Variants in IFT140 observed in about 807,000 individuals in gnomAD.
IFT140 encodes intraflagellar transport 140.
In IFT140, 133 loss-of-function variants were observed where a neutral mutation model predicts 164.6. That is an observed-to-expected ratio of 0.81 (90% confidence interval 0.70 to 0.93). The LOEUF (loss-of-function observed/expected upper bound fraction) is 0.93. Among genes scored for constraint, IFT140 ranks in the 40% least tolerant of loss-of-function variants. IFT140 has a pLI of 0.00. For missense variants in IFT140, 2,045 were observed against 1,972.3 expected, an observed-to-expected ratio of 1.04 and a Z score of -0.70; for synonymous variants, 860 against 817.3, an observed-to-expected ratio of 1.05 and a Z score of -0.89.
At position 1,520,312 on chromosome 16, in the gene IFT140, G is replaced by T; in HGVS notation, c.3692C>A (p.Thr1231Lys). 2.5e-6 allele frequency: 4 copies of T among 1,614,200 alleles called. No homozygotes were observed. The highest frequency in any genetic ancestry group is 1.1e-5 in the South Asian group (1 of 91,090). The change falls in exon 28 of 31, where the codon ACG becomes AAG. Residue 1231 changes from threonine (T) to lysine (K), a missense_variant. Physicochemically the swap from Thr to Lys is moderately conservative, Grantham distance 78. Coordinates refer to ENST00000426508, the MANE Select transcript of IFT140 (RefSeq NM_014714.4). Reference sequence around the variant, plus strand: ...GCTCGCGAAGAACGTGATTTTCTCCGTGTCTCCGGATTTGAGCAGCGCCCT... The same window carrying T: ...GCTCGCGAAGAACGTGATTTTCTCCTTGTCTCCGGATTTGAGCAGCGCCCT... ...AMRALLKSGDTEKITFFASVS... is the reference protein window; with the variant it reads ...AMRALLKSGDKEKITFFASVS...
chr16:1,594,026 G>A (rs1415124374), intron 4 of IFT140, among the ~76,000 whole-genome samples: 4 of 152,138 alleles, frequency 2.6e-5, no homozygotes, highest in Non-Finnish European at 5.9e-5. Context: ...GCATCAGGGT[G>A]GACACGTGGG....
chr16:1,582,583 T>C (rs777052474), intron 12 of IFT140, among the ~76,000 whole-genome samples: 1 of 152,208 alleles, frequency 6.6e-6, no homozygotes, highest in South Asian at 2.1e-4. Flanking sequence ...GAAACTCCCA[T>C]AGATGTGCTG....
At chr16:1,594,926 C>T (rs919985785) in intron 4 of IFT140, among the ~76,000 whole-genome samples, 30 of 152,260 alleles carry the variant, frequency 2.0e-4, no homozygotes, top group Non-Finnish European at 1.5e-5. Context: ...CCAATCTCCC[C>T]AAATGCTGGA....
intron 10 of IFT140, 21 bp downstream of exon 10, chr16:1,586,109 G>A (rs758475515): frequency 6.2e-7 from 1 of 1,609,044 alleles, no homozygotes; most frequent in Non-Finnish European, 8.5e-7. Context: ...TGAGTGCACC[G>A]AACACCCTTG....
In IFT140 at chr16:1,569,601, C is replaced by G. The variant is rs1310875748; in HGVS notation, c.1653-1267G>C. 2.7e-5 allele frequency among the ~76,000 whole-genome samples: 4 copies of G among 150,162 alleles called. No homozygotes were observed. In the Admixed American group the frequency reaches 2.7e-4, roughly 10 times the overall value. ...CCCTTCCTTTTCTCTCTCCCTCTCT[C>G]TCTCTGAGACAGGATCTCTCACTCT... On this transcript the variant is annotated intron_variant, in intron 14 of 30. Coordinates refer to ENST00000426508, the MANE Select transcript of IFT140 (RefSeq NM_014714.4).
At position 1,564,239 on chromosome 16, in the gene IFT140, C is replaced by T. The variant is rs11248883; in HGVS notation, c.1902-77G>A. On this transcript the variant is annotated intron_variant, in intron 16 of 30. Coordinates refer to ENST00000426508, the MANE Select transcript of IFT140 (RefSeq NM_014714.4). The surrounding 1 kb of genome is among the most constrained non-coding windows in gnomAD (Gnocchi z 5.5). Reference sequence around the variant, plus strand: ...CCAGTCTCCCTCCCACACACATTCCCGAAGCCTCCAGGTGCTGTCCCAGAC... The same window carrying T: ...CCAGTCTCCCTCCCACACACATTCCTGAAGCCTCCAGGTGCTGTCCCAGAC... 10 of 1,341,468 alleles carry T rather than the reference C, an allele frequency of 7.5e-6. No individual in the cohort carries two copies. The highest frequency in any genetic ancestry group is 1.6e-5 in the South Asian group (1 of 63,570). The allele number at this position is 1,341,468 out of a possible 1,614,324, so 83.1% of individuals were successfully genotyped here. A position where few individuals can be genotyped will look rare whatever the true frequency, so the allele number is the denominator to read the frequency against.
chr16:1,603,054 T>C (rs1309537774), intron 3 of IFT140, among the ~76,000 whole-genome samples: 1 of 152,176 alleles, frequency 6.6e-6, no homozygotes, highest in Non-Finnish European at 1.5e-5. Flanking sequence ...GACTCTTTAA[T>C]TTTTCATAAA....
At chr16:1,526,127 C>A in intron 20 of IFT140, 50 bp from the exon 21 acceptor site, 1 of 1,496,296 alleles carries the variant, frequency 6.7e-7, no homozygotes, top group Non-Finnish European at 9.0e-7. Context: ...ACACCCACGT[C>A]TCAAACACAC....
rs566251486 is a variant in IFT140 at position 1,584,288 on chromosome 16, A to C, written c.1288T>G (p.Cys430Gly). ...TGTGCGACCCCCGTGGACAGGAAGC[A>C]CACATTCAGCAGACTCGGGGAGACC... ...MQVSPSLLNV[C>G]FLSTGVAHSL... Residue 430 changes from cysteine (C) to glycine (G), a missense_variant, in exon 11 of 31, where the codon TGC becomes GGC. Physicochemically the swap from Cys to Gly is radical, Grantham distance 159. Transcript: ENST00000426508. The C allele has an allele frequency of 1.2e-6, 2 of 1,613,948 alleles. No homozygotes were observed. The highest frequency in any genetic ancestry group is 1.3e-5 in the African/African-American group (1 of 75,050).
intron 14 of IFT140, among the ~76,000 whole-genome samples, chr16:1,569,552 C>T (rs1428800664): frequency 6.7e-6 from 1 of 148,566 alleles, no homozygotes; most frequent in Non-Finnish European, 1.5e-5. Flanking sequence ...CTTTTCCCTC[C>T]ACTCCCCTCC....
At chr16:1,566,125 T>C (rs1194957376) in intron 16 of IFT140, 36 bp downstream of exon 16, 1 of 1,604,198 alleles carries the variant, frequency 6.2e-7, no homozygotes, top group Admixed American at 1.7e-5. Flanking sequence ...TGAACATCAT[T>C]TTTTCCAACA....
intron 13 of IFT140, 75 bp downstream of exon 13, chr16:1,580,684 A>C: frequency 1.0e-6 from 1 of 993,572 alleles, no homozygotes; most frequent in Non-Finnish European, 1.6e-6. Flanking sequence ...GAAATCAATA[A>C]ACAGGCTTTG....
Position 1,533,633 on chromosome 16 carries a change from T to C in IFT140, c.2400-6837A>G, listed in dbSNP as rs8048206. 32,045 of 152,284 alleles carry C rather than the reference T, an allele frequency of 0.21. 4,269 individuals carry two copies. The highest frequency in any genetic ancestry group is 0.37 in the African/African-American group (15,254 of 41,532). The allele number at this position is 152,284 out of a possible 1,614,324, so 9.4% of individuals were successfully genotyped here. ...GCTATTTGTTGCGGTTGGCTACGCC[T>C]TCCAGCTCACCAAAAACAGTCTCAA... On this transcript the variant is annotated intron_variant, in intron 19 of 30. Coordinates refer to ENST00000426508, the MANE Select transcript of IFT140 (RefSeq NM_014714.4). The surrounding 1 kb of genome is among the most constrained non-coding windows in gnomAD (Gnocchi z 4.7).
rs538459805 is a variant in IFT140, at chr16:1,523,234, A to G, written c.3453+284T>C. On this transcript the variant is annotated intron_variant, in intron 26 of 30. Transcript: ENST00000426508. The stretch of plus-strand genomic sequence containing the variant: ...ACCCTGTCTCAAAAAAAAAAAAAAA[A>G]AGGCTAAGATGGTAAATTTTGTGTT... 7.7e-3 allele frequency among the ~76,000 whole-genome samples: 1,165 copies of G among 151,642 alleles called. 11 individuals carry two copies. The highest frequency in any genetic ancestry group is 0.027 in the African/African-American group (1,105 of 41,344).
intron 13 of IFT140, chr16:1,578,185 G>C (rs1164847870): frequency 6.6e-6 from 1 of 151,962 alleles, no homozygotes; most frequent in African/African-American, 2.4e-5. Context: ...CTACACAGAG[G>C]GGCCCACCCG....
intron 19 of IFT140, chr16:1,554,032 T>C (rs1457557207): frequency 1.6e-6 from 2 of 1,287,052 alleles, no homozygotes. Flanking sequence ...CCTTCTCTGG[T>C]TTCAGGCTCT....
chr16:1,516,138 T>C (rs1416486646), intron 30 of IFT140, among the ~76,000 whole-genome samples: 1 of 7,102 alleles, frequency 1.4e-4, no homozygotes, highest in African/African-American at 2.9e-4. Context: ...AAACTCTGTC[T>C]CAAAAAAAAA....
intron 24 of IFT140, 50 bp from the exon 25 acceptor site, chr16:1,524,006 G>C: frequency 6.3e-7 from 1 of 1,587,510 alleles, no homozygotes; most frequent in South Asian, 1.1e-5. Context: ...GGCTTCCCCA[G>C]GTCCGCTGAG....
At position 1,553,936 on chromosome 16, in the gene IFT140, T is replaced by C; in HGVS notation, c.2399+3999A>G. ...AAAGGTCTTTGGAGCTCCTCAAAGA[T>C]AAAACTGTAAGTGAAACTGTAGCAT... On this transcript the variant is annotated intron_variant, in intron 19 of 30. Coordinates refer to ENST00000426508, the MANE Select transcript of IFT140 (RefSeq NM_014714.4). The surrounding 1 kb of genome is among the most constrained non-coding windows in gnomAD (Gnocchi z 4.4). The C allele has an allele frequency of 7.8e-7, 1 of 1,285,996 alleles. No individual in the cohort carries two copies. Among genetic ancestry groups the C allele is most frequent in the East Asian group, 5.6e-5 (1 of 17,980 alleles). The allele number at this position is 1,285,996 out of a possible 1,614,324, so 79.7% of individuals were successfully genotyped here. A position where few individuals can be genotyped will look rare whatever the true frequency, so the allele number is the denominator to read the frequency against.
Sources: gnomAD v4.1 joint callset for allele counts (sites outside exome capture counted in the v4.1 genomes callset) on GRCh38, gnomAD v4.1.1 for gene constraint, Gnocchi (gnomAD v3.1) non-coding constraint, MANE v1.5 for transcripts, NCBI Gene and HGNC (gene_info 2026-07-23, HGNC 2026-07-21) for gene names.